Variants in MICAL3 observed in about 807,000 individuals in gnomAD.
MICAL3 encodes [F-actin]-monooxygenase MICAL3.
MICAL3 carries 62 observed loss-of-function variants against 207.4 expected under a neutral mutation model. That is an observed-to-expected ratio of 0.30 (90% CI 0.24 to 0.37). MICAL3 has a LOEUF of 0.37. Among genes scored for constraint, MICAL3 ranks in the 10% least tolerant of loss-of-function variants. The pLI is 1.00. For synonymous variants in MICAL3, 1,077 were observed against 1,069.3 expected, an observed-to-expected ratio of 1.01 and a Z score of -0.14; for missense variants, 2,368 against 2,635.6, an observed-to-expected ratio of 0.90 and a Z score of 2.22.
At chr22:17,831,236 G>A (rs1330248129) in intron 21 of MICAL3, among the ~76,000 whole-genome samples, 1 of 147,904 alleles carries the variant, frequency 6.8e-6, no homozygotes, top group East Asian at 1.9e-4. Context: ...CTTCTCTCCT[G>A]CACAGGCCCA....
intron 1 of MICAL3, among the ~76,000 whole-genome samples, chr22:17,933,298 T>G (rs1297076230): frequency 5.3e-5 from 8 of 152,106 alleles, no homozygotes; most frequent in Admixed American, 1.3e-4. Flanking sequence ...AATCAAATTA[T>G]AACTCAGGAT....
Position 17,896,836 on chromosome 22 carries a change from T to G in MICAL3, c.1094A>C (p.Asp365Ala). 2 of 1,614,104 alleles carry G rather than the reference T, an allele frequency of 1.2e-6. No individual in the cohort carries two copies. ...DFAINHYGQP[D>A]VAMFDFTCMY... is the part of the protein sequence containing the mutation. ...ACAAGTGAAGTCAAACATGGCCACATCGGGCTGCCCATAGTGATTGATGGC... is the reference window on the plus strand; with the variant it reads ...ACAAGTGAAGTCAAACATGGCCACAGCGGGCTGCCCATAGTGATTGATGGC... Residue 365 changes from aspartate to alanine, a missense_variant, in exon 8 of 32, where the codon GAT (aspartate) becomes GCT (alanine). Transcript: ENST00000441493.
intron 1 of MICAL3, among the ~76,000 whole-genome samples, chr22:17,987,759 T>C (rs763559871): frequency 2.0e-5 from 3 of 152,048 alleles, no homozygotes; most frequent in Non-Finnish European, 4.4e-5. Context: ...CACTGAATTA[T>C]TTAGGGTAAA....
At chr22:17,887,146 A>T (rs763993891) in intron 15 of MICAL3, 24 bp downstream of exon 15, 21 of 1,600,350 alleles carry the variant, frequency 1.3e-5, no homozygotes, top group Non-Finnish European at 1.7e-5. Context: ...TGACCATTCT[A>T]GCAATTCCCC....
intron 1 of MICAL3, among the ~76,000 whole-genome samples, chr22:17,945,669 A>G (rs1934031829): frequency 6.6e-6 from 1 of 152,150 alleles, no homozygotes; most frequent in African/African-American, 2.4e-5. Context: ...CTCTCCACAC[A>G]GCCCCCATAC....
chr22:17,817,165 T>C (rs1475217698), intron 26 of MICAL3, 146 bp downstream of exon 26: 7 of 999,732 alleles, frequency 7.0e-6, no homozygotes, highest in South Asian at 1.7e-5. Flanking sequence ...TGTGAACCCA[T>C]GGTTCAGTCC....
rs767055189 is a variant in MICAL3 at position 17,791,012 on chromosome 22, C to T, written c.5810G>A (p.Arg1937His). Residue 1937 changes from arginine to histidine, a missense_variant, in exon 31 of 32, where the codon CGC becomes CAC. Coordinates refer to ENST00000441493, the MANE Select transcript of MICAL3 (RefSeq NM_015241.3). The part of the protein sequence containing the change: ...QSRLQQELRE[R>H]MAVEDHLKTE... ...ACCCCACTCACCTTCCACTGCCATG[C>T]GTTCCCGGAGCTCCTGCTGCAGTCG... 8 of 1,612,266 alleles carry T rather than the reference C, an allele frequency of 5.0e-6. No homozygotes were observed. The highest frequency in any genetic ancestry group is 2.2e-5 in the East Asian group (1 of 44,838).
intron 27 of MICAL3, among the ~76,000 whole-genome samples, chr22:17,812,322 G>A (rs1425701092): frequency 2.0e-5 from 3 of 152,236 alleles, no homozygotes; most frequent in African/African-American, 7.2e-5. Context: ...GTGAGGAGCA[G>A]GTGTCTCATC....
chr22:17,820,453 C>A (rs1254883916), intron 25 of MICAL3, among the ~76,000 whole-genome samples: 1 of 152,214 alleles, frequency 6.6e-6, no homozygotes, highest in Non-Finnish European at 1.5e-5. Flanking sequence ...CTTCCGGGTT[C>A]ATGCCATTCT....
At chr22:17,834,685 C>T (rs1369430430) in intron 20 of MICAL3, 8 of 832,734 alleles carry the variant, frequency 9.6e-6, no homozygotes, top group African/African-American at 3.7e-5. Context: ...GAGGAGAGGT[C>T]GAAAGTGGGC....
At chr22:17,808,991 G>T in intron 28 of MICAL3, 54 bp from the exon 29 acceptor site, 1 of 1,422,352 alleles carries the variant, frequency 7.0e-7, no homozygotes, top group South Asian at 1.2e-5. Context: ...GCTTCAGGAG[G>T]ACACACAACT....
intron 25 of MICAL3, 90 bp from the exon 26 acceptor site, chr22:17,819,219 G>A (rs1569078998): frequency 8.4e-6 from 11 of 1,311,308 alleles, no homozygotes; most frequent in Non-Finnish European, 1.0e-5. Context: ...CAAAGTGCCT[G>A]CACCTGTGCC....
chr22:17,818,856 C>G lies in MICAL3; in HGVS notation c.3805G>C (p.Glu1269Gln). The change falls in exon 26 of 32, where the codon GAG (glutamate) becomes CAG (glutamine). Residue 1269 changes from glutamate (E) to glutamine (Q), a missense_variant. Coordinates refer to ENST00000441493, the MANE Select transcript of MICAL3 (RefSeq NM_015241.3). ...TGGGTAGGGGATGGGACAGTGGCCT[C>G]GGTGGAAGGCTGGGGCTGGGAGCAG... ...PICSQPQPST[E>Q]ATVPSPTQSP... 6 of 1,219,962 alleles carry G rather than the reference C, an allele frequency of 4.9e-6. No individual in the cohort carries two copies. Among genetic ancestry groups the G allele is most frequent in the Non-Finnish European group, 6.5e-6 (6 of 929,798 alleles). The allele number at this position is 1,219,962 out of a possible 1,614,324, so 75.6% of individuals were successfully genotyped here.
At chr22:17,861,077 T>C (rs1057721) in intron 19 of MICAL3, 423,653 of 984,946 alleles carry the variant, frequency 0.43, 98,226 homozygotes, top group African/African-American at 0.89. Context: ...AGCTGGATTG[T>C]AGAATTCTCT....
intron 1 of MICAL3, among the ~76,000 whole-genome samples, chr22:17,959,943 C>G (rs547065479): frequency 6.6e-6 from 1 of 152,306 alleles, no homozygotes; most frequent in Admixed American, 6.5e-5. Context: ...GATACCTTCC[C>G]TACCTTCAAG....
intron 21 of MICAL3, among the ~76,000 whole-genome samples, chr22:17,830,698 G>A (rs1027480029): frequency 1.3e-5 from 2 of 152,244 alleles, no homozygotes; most frequent in Non-Finnish European, 2.9e-5. Context: ...AGGGTGTGGA[G>A]TGCGGGTCAC....
intron 1 of MICAL3, among the ~76,000 whole-genome samples, chr22:17,943,848 A>C (rs1933923821): frequency 6.6e-6 from 1 of 152,234 alleles, no homozygotes; most frequent in African/African-American, 2.4e-5. Context: ...GCAATTGTTA[A>C]ATTGGAAAAG....
At chr22:17,919,718 G>A (rs1028376007) in intron 1 of MICAL3, among the ~76,000 whole-genome samples, 42 of 152,212 alleles carry the variant, frequency 2.8e-4, no homozygotes, top group Middle Eastern at 3.4e-3. Context: ...CCATGACCAC[G>A]ACCAGCCCTG....
chr22:17,872,002 G>A lies in MICAL3; in HGVS notation c.2263C>T (p.Pro755Ser). ...GTGTCGCTGCCTCCCAGGTTCTGCG[G>A]GAACTCCTTCTTCATGGAGCCCTGC... Reference protein sequence around the residue: ...RRQGSMKKEFPQNLGGSDTCY... With the variant: ...RRQGSMKKEFSQNLGGSDTCY... The change falls in exon 17 of 32, where the codon CCG becomes TCG. Residue 755 changes from proline to serine, a missense_variant. By Grantham distance (74) the Pro-to-Ser change is moderately conservative (BLOSUM62 -1). Transcript: ENST00000441493. 1 of 1,606,770 alleles carries A rather than the reference G, an allele frequency of 6.2e-7. No homozygotes were observed. The highest frequency in any genetic ancestry group is 8.5e-7 in the Non-Finnish European group (1 of 1,177,072).
Sources: allele counts gnomAD v4.1 joint callset (sites outside exome capture counted in the v4.1 genomes callset), GRCh38; gene constraint gnomAD v4.1.1; transcripts MANE v1.5; gene names NCBI Gene and HGNC (gene_info 2026-07-23, HGNC 2026-07-21).